NFIL3: variants seen among roughly 807,000 people sequenced by gnomAD.
NFIL3 encodes the protein nuclear factor interleukin-3-regulated protein.
A neutral mutation model predicts 10.0 loss-of-function variants in NFIL3; 5 were observed. The ratio of observed to expected loss-of-function variants is 0.50; its 90% confidence interval spans 0.26 to 1.06. The LOEUF is 1.06. Ranked by LOEUF, NFIL3 falls within the 50% of genes least tolerant of loss-of-function variation. NFIL3 has a pLI of 0.13. For missense variants in NFIL3, 436 were observed against 547.6 expected (o/e 0.80, Z 2.03); for synonymous variants, 202 against 206.5 (o/e 0.98, Z 0.19).
the NFIL3 span, among the ~76,000 whole-genome samples, chr9:91,481,567 T>C: frequency 2.6e-5 from 4 of 152,224 alleles, no homozygotes; most frequent in Non-Finnish European, 4.4e-5. Flanking sequence ...TCTATTTTAA[T>C]GATAAACAGT....
At chr9:91,413,907 T>C (rs140780678) in intron 1 of NFIL3, among the ~76,000 whole-genome samples, 3,330 of 123,770 alleles carry the variant, frequency 0.027, 56 homozygotes, top group Middle Eastern at 0.082. Flanking sequence ...TTGTTCCTTC[T>C]TAAAAAAAAA....
chr9:91,448,357 A>G, the NFIL3 span, among the ~76,000 whole-genome samples: 1 of 152,224 alleles, frequency 6.6e-6, no homozygotes, highest in South Asian at 2.1e-4. Context: ...GACAGAAAGC[A>G]GAAGCGGAGT....
chr9:91,422,768 C>T (rs1833793112), intron 1 of NFIL3, among the ~76,000 whole-genome samples: 2 of 152,146 alleles, frequency 1.3e-5, no homozygotes, highest in South Asian at 2.1e-4. Flanking sequence ...CAGCTGAGAA[C>T]ATTGAAAGGG....
intron 1 of NFIL3, among the ~76,000 whole-genome samples, chr9:91,417,748 A>G (rs1017429314): frequency 5.3e-5 from 8 of 152,180 alleles, no homozygotes; most frequent in Non-Finnish European, 1.2e-4. Flanking sequence ...CCCAAGAAGC[A>G]GCTTACCCCA....
chr9:91,449,624 T>C, the NFIL3 span, among the ~76,000 whole-genome samples: 35 of 152,152 alleles, frequency 2.3e-4, no homozygotes, highest in South Asian at 6.2e-4. Flanking sequence ...TTGTTGAGGA[T>C]TTTTGCATTT....
chr9:91,416,101 G>T (rs1207682732), intron 1 of NFIL3, among the ~76,000 whole-genome samples: 1 of 150,502 alleles, frequency 6.6e-6, no homozygotes, highest in East Asian at 1.9e-4. Flanking sequence ...TTCTAATTAT[G>T]TTAAATAGAG....
At chr9:91,417,069 T>C (rs1221309563) in intron 1 of NFIL3, among the ~76,000 whole-genome samples, 1 of 152,208 alleles carries the variant, frequency 6.6e-6, no homozygotes, top group Non-Finnish European at 1.5e-5. Flanking sequence ...GTCTAAACAT[T>C]AAAATCTACT....
At chr9:91,437,226 T>G in the NFIL3 span, among the ~76,000 whole-genome samples, 2 of 152,234 alleles carry the variant, frequency 1.3e-5, no homozygotes, top group African/African-American at 4.8e-5. Context: ...CTAAATCTCT[T>G]TTTTAAAACA....
At position 91,409,383 on chromosome 9, in the gene NFIL3, A is replaced by G. The variant is rs374204202; in HGVS notation, c.1352T>C (p.Ile451Thr). The G allele has an allele frequency of 1.2e-5, 20 of 1,601,678 alleles. No individual in the cohort carries two copies. Among genetic ancestry groups the G allele is most frequent in the South Asian group, 2.2e-5 (2 of 88,908 alleles). ...SAEVVSLKRL[I>T]ATQPISASDS... ...TGAAGCAGAGATTGGTTGTGTGGCT[A>G]TAAGTCTCTTGAGTGAGACAACCTC... is the stretch of plus-strand genomic sequence containing the variant. The change falls in exon 2 of 2, where the codon ATA (isoleucine) becomes ACA (threonine). Residue 451 changes from isoleucine (I) to threonine (T), a missense_variant. This residue lies in a region of NFIL3 where 338 missense variants were observed against 399.9 expected (regional missense o/e 0.85). Coordinates refer to ENST00000297689, the MANE Select transcript of NFIL3 (RefSeq NM_005384.3).
the NFIL3 span, among the ~76,000 whole-genome samples, chr9:91,442,231 T>C: frequency 6.6e-6 from 1 of 152,236 alleles, no homozygotes. Context: ...ATGGCTAGCT[T>C]GGTTTTTTCT....
the NFIL3 span, among the ~76,000 whole-genome samples, chr9:91,474,901 A>G: frequency 1.3e-5 from 2 of 152,212 alleles, no homozygotes; most frequent in Admixed American, 6.5e-5. Flanking sequence ...CCCCTCATGT[A>G]GACAAAGTCC....
intron 1 of NFIL3, among the ~76,000 whole-genome samples, chr9:91,416,829 A>G (rs1020856765): frequency 1.3e-5 from 2 of 152,204 alleles, no homozygotes; most frequent in Non-Finnish European, 2.9e-5. Context: ...AGATTACCCT[A>G]TTGTTTTTAA....
the NFIL3 span, among the ~76,000 whole-genome samples, chr9:91,432,209 G>A: frequency 6.6e-6 from 1 of 152,208 alleles, no homozygotes; most frequent in South Asian, 2.1e-4. Flanking sequence ...GATGGAACCA[G>A]TAGATAAATA....
In NFIL3 at chr9:91,411,306, C is replaced by T. The variant is rs16907477; in HGVS notation, c.-172-400G>A. 2.7e-4 allele frequency among the ~76,000 whole-genome samples: 41 copies of T among 152,210 alleles called. No individual in the cohort carries two copies. The East Asian group carries it at 6.2e-3, about 23-fold the overall frequency. On this transcript the variant is annotated intron_variant, in intron 1 of 1. Coordinates refer to ENST00000297689, the MANE Select transcript of NFIL3 (RefSeq NM_005384.3). ...AAGTTTCTAAACAGTACATGCATAC[C>T]GTGGTGCTTCTAAATAATGTTACCT...
At chr9:91,423,936 G>T (rs1269170117), upstream of NFIL3, 14 of 144,212 alleles carry the variant, frequency 9.7e-5, no homozygotes, top group African/African-American at 2.5e-4. Context: ...CCGGCCCGCC[G>T]CCAATGGCCG....
At chr9:91,413,439 CG>C (rs1329797149) in intron 1 of NFIL3, among the ~76,000 whole-genome samples, 2 of 151,826 alleles carry the variant, frequency 1.3e-5, no homozygotes, top group African/African-American at 4.8e-5. Context: ...TTAGTAGAGA[CG>C]GGATTTTACC....
the NFIL3 span, among the ~76,000 whole-genome samples, chr9:91,430,152 G>T: frequency 6.6e-6 from 1 of 152,192 alleles, no homozygotes; most frequent in Non-Finnish European, 1.5e-5. Context: ...GCATGCGTAT[G>T]TGTGTGCGTG....
chr9:91,460,811 G>A, the NFIL3 span, among the ~76,000 whole-genome samples: 2 of 152,186 alleles, frequency 1.3e-5, no homozygotes, highest in Non-Finnish European at 2.9e-5. Flanking sequence ...CATGGCATAT[G>A]GGGTAAGTGC....
At chr9:91,470,775 T>G in the NFIL3 span, among the ~76,000 whole-genome samples, 2 of 152,186 alleles carry the variant, frequency 1.3e-5, no homozygotes, top group Admixed American at 6.5e-5. Flanking sequence ...ATTTCGTTAT[T>G]TACCCAGTAG....
Sources: allele counts gnomAD v4.1 joint callset (sites outside exome capture counted in the v4.1 genomes callset), GRCh38; gene constraint gnomAD v4.1.1; regional missense constraint gnomAD v4.1.1; transcripts MANE v1.5; gene names NCBI Gene and HGNC (gene_info 2026-07-23, HGNC 2026-07-21).